Variants in OCA2 observed in about 807,000 individuals in gnomAD.
OCA2 encodes OCA2 melanosomal transmembrane protein, also known as P protein.
In OCA2, 77 loss-of-function variants were observed where a neutral mutation model predicts 100.2. That is an observed-to-expected ratio of 0.77 (90% CI 0.64 to 0.93). The LOEUF (loss-of-function observed/expected upper bound fraction) is 0.93. OCA2 is among the 40% of genes least tolerant of loss of function. OCA2 has a pLI of 0.00. For synonymous variants in OCA2, 432 were observed against 439.2 expected (o/e 0.98, Z 0.21); for missense variants, 1,062 against 1,089.1 (o/e 0.98, Z 0.35).
intron 1 of OCA2, among the ~76,000 whole-genome samples, chr15:28,095,439 G>C (rs942239627): frequency 3.9e-5 from 6 of 152,198 alleles, no homozygotes; most frequent in Non-Finnish European, 8.8e-5. Context: ...CATTGTGGCC[G>C]GGCGCGGTGG....
At chr15:27,752,027 C>T (rs561684352), downstream of OCA2, among the ~76,000 whole-genome samples, 8 of 152,332 alleles carry the variant, frequency 5.3e-5, no homozygotes, top group East Asian at 3.9e-4. Context: ...ATCTGGAAGG[C>T]GCACATGCAC....
chr15:28,074,863 C>T (rs1595916128), intron 2 of OCA2, among the ~76,000 whole-genome samples: 1 of 152,062 alleles, frequency 6.6e-6, no homozygotes, highest in Non-Finnish European at 1.5e-5. Flanking sequence ...ATAGAGAGTT[C>T]AGAAATAAAT....
chr15:28,009,454 G>A (rs955820930), intron 9 of OCA2, among the ~76,000 whole-genome samples: 5 of 152,116 alleles, frequency 3.3e-5, no homozygotes, highest in Non-Finnish European at 5.9e-5. Context: ...TTGGGAGACC[G>A]AGGCAGGCAG....
At chr15:27,926,322 T>C (rs2039042821) in intron 18 of OCA2, 68 bp from the exon 19 acceptor site, 17 of 1,566,182 alleles carry the variant, frequency 1.1e-5, no homozygotes, top group Admixed American at 1.7e-5. Flanking sequence ...TTCTTTAACC[T>C]CTGGTTGCCT....
At chr15:27,948,761 C>T (rs1054181982) in intron 18 of OCA2, among the ~76,000 whole-genome samples, 1 of 152,150 alleles carries the variant, frequency 6.6e-6, no homozygotes, top group Non-Finnish European at 1.5e-5. Flanking sequence ...CCACTGTGCC[C>T]GGCCAAACAT....
chr15:28,071,325 T>C (rs946385060), intron 2 of OCA2, among the ~76,000 whole-genome samples: 2 of 152,148 alleles, frequency 1.3e-5, no homozygotes, highest in Non-Finnish European at 2.9e-5. Flanking sequence ...ATCAATATCA[T>C]AAAAATGTCC....
chr15:27,899,866 A>G (rs1031206280), intron 19 of OCA2, among the ~76,000 whole-genome samples: 1 of 152,202 alleles, frequency 6.6e-6, no homozygotes, highest in African/African-American at 2.4e-5. Context: ...TGTGGGAAAC[A>G]AAGGAGTGAG....
chr15:28,029,931 T>C (rs1357780497), intron 3 of OCA2, among the ~76,000 whole-genome samples: 2 of 152,362 alleles, frequency 1.3e-5, no homozygotes, highest in South Asian at 4.1e-4. Context: ...TTTTGTGACA[T>C]GAGGCCCAGC....
downstream of OCA2, among the ~76,000 whole-genome samples, chr15:27,750,403 T>C (rs1042296839): frequency 6.6e-6 from 1 of 151,588 alleles, no homozygotes; most frequent in African/African-American, 2.4e-5. Flanking sequence ...TCACCGGGAG[T>C]TTGAGATTTA....
chr15:28,005,402 C>A (rs530625727), intron 9 of OCA2, among the ~76,000 whole-genome samples: 1 of 152,272 alleles, frequency 6.6e-6, no homozygotes, highest in African/African-American at 2.4e-5. Context: ...GGGCTGCTGT[C>A]ACCAAACCCA....
At chr15:27,953,810 TG>T (rs1009498820) in intron 17 of OCA2, among the ~76,000 whole-genome samples, 1 of 152,060 alleles carries the variant, frequency 6.6e-6, no homozygotes, top group African/African-American at 2.4e-5. Context: ...TTTGGTTATA[TG>T]GGTAAGTTCT....
At chr15:27,764,930 C>T (rs923721104) in intron 23 of OCA2, among the ~76,000 whole-genome samples, 1 of 152,156 alleles carries the variant, frequency 6.6e-6, no homozygotes, top group East Asian at 1.9e-4. Flanking sequence ...ACTAAGGATA[C>T]GTGTAGCTAT....
chr15:27,888,350 T>G (rs2037315223), intron 19 of OCA2, among the ~76,000 whole-genome samples: 1 of 152,198 alleles, frequency 6.6e-6, no homozygotes, highest in African/African-American at 2.4e-5. Flanking sequence ...TATTTATGAC[T>G]CAGAGTCTCC....
chr15:27,884,515 T>A (rs2037147160), intron 19 of OCA2, among the ~76,000 whole-genome samples: 3 of 152,194 alleles, frequency 2.0e-5, no homozygotes. Context: ...AGATACAAGA[T>A]AAAGTAAGTT....
chr15:27,973,242 C>G (rs148395742), intron 14 of OCA2, among the ~76,000 whole-genome samples: 1 of 152,194 alleles, frequency 6.6e-6, no homozygotes, highest in East Asian at 1.9e-4. Context: ...GGGTCTTTGT[C>G]CTAAATTCTT....
At chr15:27,924,117 G>A (rs377646342) in intron 19 of OCA2, among the ~76,000 whole-genome samples, 2 of 152,106 alleles carry the variant, frequency 1.3e-5, no homozygotes, top group Non-Finnish European at 2.9e-5. Context: ...AGTAGAGACT[G>A]CCTGCCCCAC....
the OCA2 span, among the ~76,000 whole-genome samples, chr15:27,741,075 G>T: frequency 6.6e-6 from 1 of 152,214 alleles, no homozygotes; most frequent in African/African-American, 2.4e-5. Context: ...GCACATCCTT[G>T]TGTACAGCAC....
intron 23 of OCA2, 76 bp downstream of exon 23, chr15:27,844,880 TTAA>T (rs1271713209): frequency 2.7e-5 from 28 of 1,022,224 alleles, no homozygotes; most frequent in Non-Finnish European, 4.3e-5. Flanking sequence ...ATTTTAGCAT[TTAA>T]TGTGTTATTT....
chr15:27,893,883 T>C (rs1363848939), intron 19 of OCA2, among the ~76,000 whole-genome samples: 1 of 152,234 alleles, frequency 6.6e-6, no homozygotes, highest in Non-Finnish European at 1.5e-5. Flanking sequence ...CTTTTGCCCT[T>C]TGTTCTGTTC....
Sources: gnomAD v4.1 joint callset for allele counts (sites outside exome capture counted in the v4.1 genomes callset) on GRCh38, gnomAD v4.1.1 for gene constraint, MANE v1.5 for transcripts, NCBI Gene and HGNC (gene_info 2026-07-23, HGNC 2026-07-21) for gene names.